MVB12A: variants seen among roughly 807,000 people sequenced by gnomAD.
The protein encoded by MVB12A is CIN85/CD2AP family binding protein.
In MVB12A, 30 loss-of-function variants were observed where a neutral mutation model predicts 34.3. That is an observed-to-expected ratio of 0.88 (90% CI 0.65 to 1.19). The LOEUF is 1.19. Among genes scored for constraint, MVB12A ranks in the 50% most tolerant of loss-of-function variants. The probability of loss-of-function intolerance (pLI) is 0.00; values close to 1 mark genes in which losing one functional copy is unlikely to be tolerated. For missense variants in MVB12A, 355 were observed against 369.2 expected, an observed-to-expected ratio of 0.96 and a Z score of 0.31; for synonymous variants, 158 against 158.9, an observed-to-expected ratio of 0.99 and a Z score of 0.04.
intron 2 of MVB12A, among the ~76,000 whole-genome samples, chr19:17,410,496 T>TTATATATGTGTATATA (rs1568387298): frequency 0.013 from 415 of 31,348 alleles, 20 homozygotes; most frequent in South Asian, 0.023. Context: ...GGTTTTAGCT[T>TTATATATGTGTATATA]CATATATATA....
At position 17,425,219 on chromosome 19, in the gene MVB12A, C is replaced by T. The variant is rs534472793; in HGVS notation, c.*226C>T. ...GTCTCCGCCCCCACGCCCTGCCGGGCAGGGCTGGAGCTGGACAGAAGCCAG... is the reference window on the plus strand; with the variant it reads ...GTCTCCGCCCCCACGCCCTGCCGGGTAGGGCTGGAGCTGGACAGAAGCCAG... On this transcript the variant is annotated 3_prime_UTR_variant, in exon 9 of 9. Transcript: ENST00000317040. 7.5e-6 allele frequency: 4 copies of T among 529,906 alleles called. No individual in the cohort carries two copies. The highest frequency in any genetic ancestry group is 1.3e-5 in the Non-Finnish European group (4 of 301,100). 32.8% of individuals were successfully genotyped at this position (529,906 alleles called of 1,614,324 possible).
upstream of MVB12A, chr19:17,417,869 C>G (rs1182680067): frequency 3.1e-6 from 1 of 320,326 alleles, no homozygotes; most frequent in African/African-American, 2.2e-5. Flanking sequence ...GCAAAATTGA[C>G]AGGGACCTCT....
rs909880573 is a variant in MVB12A at position 17,420,083 on chromosome 19, C to G, written c.-53C>G. On this transcript the variant is annotated 5_prime_UTR_variant, in exon 1 of 9. Transcript: ENST00000317040. ...GCGAGCGCTGCCGTCGGGAGGCGCT[C>G]CGAGGTTCGAGGCTGTGCCCCGCGA... 1 of 1,190,752 alleles carries G rather than the reference C, an allele frequency of 8.4e-7. No individual in the cohort carries two copies. 73.8% of individuals were successfully genotyped at this position (1,190,752 alleles called of 1,614,324 possible). A position where few individuals can be genotyped will look rare whatever the true frequency, so the allele number is the denominator to read the frequency against.
Position 17,422,337 on chromosome 19 carries a change from T to C in MVB12A, c.292T>C (p.Ser98Pro). The change falls in exon 4 of 9, where the codon TCT becomes CCT. Residue 98 changes from serine (S) to proline (P), a missense_variant. Ser to Pro is a moderately conservative substitution (Grantham distance 74). Coordinates refer to ENST00000317040, the MANE Select transcript of MVB12A (RefSeq NM_138401.4). ...PVCDPMDSKA[S>P]VSKKKRMCVK... ...CCCCTACCCCCCACTCCCAGAGGCCTCTGTGTCCAAGAAGAAACGCATGTG... is the reference window on the plus strand; with the variant it reads ...CCCCTACCCCCCACTCCCAGAGGCCCCTGTGTCCAAGAAGAAACGCATGTG... 1 of 1,611,222 alleles carries C rather than the reference T, an allele frequency of 6.2e-7. No homozygotes were observed. Among genetic ancestry groups the C allele is most frequent in the East Asian group, 2.2e-5 (1 of 44,720 alleles).
chr19:17,418,522 A>G (rs1338068347), upstream of MVB12A, among the ~76,000 whole-genome samples: 1 of 151,248 alleles, frequency 6.6e-6, no homozygotes, highest in Non-Finnish European at 1.5e-5. Context: ...CCCCCTTAGT[A>G]GCTGGGATTC....
Position 17,425,201 on chromosome 19 carries a change from C to A in MVB12A, c.*208C>A, listed in dbSNP as rs1055166729. The A allele has an allele frequency of 5.6e-6, 3 of 532,278 alleles. No individual in the cohort carries two copies. In the East Asian group the frequency reaches 9.9e-5, roughly 18 times the overall value. The allele number at this position is 532,278 out of a possible 1,614,324, so 33.0% of individuals were successfully genotyped here. A position where few individuals can be genotyped will look rare whatever the true frequency, so the allele number is the denominator to read the frequency against. ...AGGCTGCGTGGTGATGGGGTCTCCG[C>A]CCCCACGCCCTGCCGGGCAGGGCTG... On this transcript the variant is annotated 3_prime_UTR_variant, in exon 9 of 9. Coordinates refer to ENST00000317040, the MANE Select transcript of MVB12A (RefSeq NM_138401.4).
chr19:17,416,786 G>A (rs919668818), upstream of MVB12A, among the ~76,000 whole-genome samples: 4 of 148,338 alleles, frequency 2.7e-5, no homozygotes, highest in South Asian at 6.4e-4. Context: ...TGCAACTTCC[G>A]CCTTCTGAGT....
At position 17,424,958 on chromosome 19, in the gene MVB12A, A is replaced by G. The variant is rs1388690950; in HGVS notation, c.787A>G (p.Thr263Ala). The stretch of plus-strand genomic sequence containing the variant: ...TAACTACGGCTTCGTGGTGGAGAAG[A>G]CCGCGGCTGCCCGCCTGCCCCCCAG... ...EYNYGFVVEKTAAARLPPSVS is the reference protein window; with the variant it reads ...EYNYGFVVEKAAAARLPPSVS The change falls in exon 9 of 9, where the codon ACC (threonine) becomes GCC (alanine). Residue 263 changes from threonine (T) to alanine (A), a missense_variant. Physicochemically the swap from Thr to Ala is moderately conservative, Grantham distance 58 (BLOSUM62 0). Transcript: ENST00000317040. 3 of 1,608,308 alleles carry G rather than the reference A, an allele frequency of 1.9e-6. No homozygotes were observed. Among genetic ancestry groups the G allele is most frequent in the African/African-American group, 1.3e-5 (1 of 74,232 alleles).
At chr19:17,420,666 G>A in intron 3 of MVB12A, 32 bp downstream of exon 3, 2 of 1,515,440 alleles carry the variant, frequency 1.3e-6, no homozygotes, top group African/African-American at 1.4e-5. Flanking sequence ...AGAGTTGTCC[G>A]GGTCCCTTGC....
chr19:17,421,207 G>A, intron 3 of MVB12A: 1 of 350,460 alleles, frequency 2.9e-6, no homozygotes, highest in South Asian at 2.0e-5. Context: ...TTCTTCAGAC[G>A]GAGTTTCGCT....
upstream of MVB12A, chr19:17,419,944 G>A: frequency 5.0e-6 from 2 of 403,682 alleles, no homozygotes; most frequent in Non-Finnish European, 4.3e-6. Context: ...GTGGTGGCGA[G>A]GCTCCGCCTC....
At position 17,411,039 on chromosome 19, in the gene MVB12A, A is replaced by C. The variant is rs531129537; in HGVS notation, c.-5+4743A>C. ...GCTGGAGTGCAGTGGCGCGATCTCC[A>C]CTCACTGCAACCTCCAACTCCCTGA... is the stretch of plus-strand genomic sequence containing the variant. On this transcript the variant is annotated intron_variant, in intron 2 of 6. Transcript: ENST00000528604. Among the ~76,000 whole-genome samples the C allele has an allele frequency of 6.8e-5, 10 of 148,102 alleles. No homozygotes were observed. In the East Asian group the frequency reaches 1.2e-3, roughly 18 times the overall value.
upstream of MVB12A, chr19:17,419,943 A>C (rs2074824936): frequency 2.5e-6 from 1 of 400,266 alleles, no homozygotes; most frequent in Non-Finnish European, 4.4e-6. Context: ...CGTGGTGGCG[A>C]GGCTCCGCCT....
At chr19:17,411,999 AT>A (rs2074772040) in intron 2 of MVB12A, among the ~76,000 whole-genome samples, 1 of 152,110 alleles carries the variant, frequency 6.6e-6, no homozygotes, top group East Asian at 1.9e-4. Flanking sequence ...TCCAGGGGAC[AT>A]TTTTATTGTC....
At chr19:17,423,903 A>G (rs2074854331) in intron 6 of MVB12A, 103 bp from the exon 7 acceptor site, 2 of 1,569,056 alleles carry the variant, frequency 1.3e-6, no homozygotes, top group South Asian at 1.1e-5. Context: ...CCAACTCTGG[A>G]TTCTGTAAAG....
In MVB12A at chr19:17,424,672, G is replaced by T; in HGVS notation, c.754G>T (p.Glu252Ter). Residue 252 changes from glutamate (E) to a stop codon, truncating the protein, a stop_gained, in exon 8 of 9, where the codon GAG becomes TAG. Transcript: ENST00000317040. LOFTEE classifies it high-confidence loss of function. ...CATCAAGTCTCTGGCGGACATTGAG[G>T]AGGAGGTGGGTGCAGGGCTAGGGAG... is the stretch of plus-strand genomic sequence containing the variant. ...LTIKSLADIE[E>*]EYNYGFVVEK... is the part of the protein sequence containing the mutation. The T allele has an allele frequency of 6.2e-7, 1 of 1,609,938 alleles. No individual in the cohort carries two copies. The highest frequency in any genetic ancestry group is 8.5e-7 in the Non-Finnish European group (1 of 1,177,544).
chr19:17,417,271 G>A (rs1048222921), upstream of MVB12A: 5 of 191,426 alleles, frequency 2.6e-5, no homozygotes, highest in South Asian at 2.6e-4. Context: ...CAGGGTTTGC[G>A]GATTTGATCT....
rs2303680 is a variant in MVB12A at position 17,420,641 on chromosome 19, G to A, written c.286+7G>A. 936,650 of 1,594,554 alleles carry A rather than the reference G, an allele frequency of 0.59. 277,152 individuals are homozygous for A. Among genetic ancestry groups the A allele is most frequent in the African/African-American group, 0.7 (52,355 of 74,542 alleles). On this transcript the variant is annotated splice_region_variant and intron_variant, in intron 3 of 8. Coordinates refer to ENST00000317040, the MANE Select transcript of MVB12A (RefSeq NM_138401.4). ...TGCGACCCCATGGATTCCAGTAAGG[G>A]CTGCTTCGGAGGCGAGAGTTGTCCG...
upstream of MVB12A, chr19:17,417,756 C>T (rs1482122372): frequency 2.0e-5 from 4 of 203,126 alleles, no homozygotes; most frequent in Admixed American, 1.6e-4. Flanking sequence ...CCTTCATTTC[C>T]CGATCCTAGT....
Sources: gnomAD v4.1 joint callset for allele counts (sites outside exome capture counted in the v4.1 genomes callset) on GRCh38, gnomAD v4.1.1 for gene constraint, MANE v1.5 for transcripts, NCBI Gene and HGNC (gene_info 2026-07-23, HGNC 2026-07-21) for gene names.